DDX10: variants seen among roughly 807,000 people sequenced by gnomAD.
The protein encoded by DDX10 is probable ATP-dependent RNA helicase DDX10.
In DDX10, 74 loss-of-function variants were observed where a neutral mutation model predicts 104.3. The ratio of observed to expected loss-of-function variants is 0.71; its 90% confidence interval spans 0.59 to 0.86. The LOEUF (loss-of-function observed/expected upper bound fraction) is 0.86. Among genes scored for constraint, DDX10 ranks in the 40% least tolerant of loss-of-function variants. DDX10 has a pLI of 0.00. For synonymous variants in DDX10, 351 were observed against 353.4 expected (o/e 0.99, Z 0.08); for missense variants, 952 against 1,040.0 (o/e 0.92, Z 1.16).
intron 13 of DDX10, among the ~76,000 whole-genome samples, chr11:108,834,730 A>G (rs1205371739): frequency 6.6e-6 from 1 of 152,068 alleles, no homozygotes; most frequent in Admixed American, 6.5e-5. Context: ...GATCGAGACC[A>G]TCCTGGCTAA....
intron 13 of DDX10, among the ~76,000 whole-genome samples, chr11:108,815,422 A>C (rs1019391504): frequency 3.3e-5 from 5 of 152,202 alleles, no homozygotes; most frequent in Admixed American, 2.6e-4. Flanking sequence ...GTCAGTGCTG[A>C]GAAACTGATG....
At chr11:108,707,302 T>C (rs921926187) in intron 10 of DDX10, among the ~76,000 whole-genome samples, 18 of 152,200 alleles carry the variant, frequency 1.2e-4, no homozygotes, top group African/African-American at 4.1e-4. Context: ...TGACAACTAC[T>C]GATCTTTTTA....
At chr11:108,866,975 A>G (rs1863014703) in intron 16 of DDX10, among the ~76,000 whole-genome samples, 1 of 152,224 alleles carries the variant, frequency 6.6e-6, no homozygotes, top group African/African-American at 2.4e-5. Flanking sequence ...CACAAAAGAA[A>G]GCATCCCGGG....
chr11:108,765,289 C>T (rs1490285913), intron 13 of DDX10, among the ~76,000 whole-genome samples: 8 of 152,146 alleles, frequency 5.3e-5, no homozygotes, highest in Non-Finnish European at 8.8e-5. Flanking sequence ...ATTCTAAATC[C>T]CCATTCTGTC....
At chr11:108,856,018 A>G (rs1591836403) in intron 16 of DDX10, among the ~76,000 whole-genome samples, 1 of 152,346 alleles carries the variant, frequency 6.6e-6, no homozygotes, top group Non-Finnish European at 1.5e-5. Context: ...TACTTAACAA[A>G]TAGTGGTTTT....
rs1454476267 is a variant in DDX10, at chr11:108,875,436, C to CT, written c.2304+23234dup. Among the ~76,000 whole-genome samples the CT allele has an allele frequency of 2.6e-5, 4 of 151,988 alleles. No homozygotes were observed. The East Asian group carries it at 7.7e-4, about 29-fold the overall frequency. ...TCCCATTTTTAGAACTCCCTGTAGC[C>CT]TTTTTTTCTGTCATTATAGAAGAAC... On this transcript the variant is annotated intron_variant, in intron 16 of 17. Transcript: ENST00000322536.
chr11:108,908,899 T>C (rs1259002176), intron 16 of DDX10, among the ~76,000 whole-genome samples: 2 of 152,240 alleles, frequency 1.3e-5, no homozygotes, highest in Admixed American at 6.5e-5. Context: ...CAAGTTTTAC[T>C]GAAGAAACGA....
At chr11:108,689,178 G>T (rs2094248666) in intron 7 of DDX10, 116 bp downstream of exon 7, 7 of 1,047,738 alleles carry the variant, frequency 6.7e-6, no homozygotes. Context: ...TGTGGTGAGG[G>T]ATCTTTCGTG....
At chr11:108,794,189 A>G (rs1861908909) in intron 13 of DDX10, among the ~76,000 whole-genome samples, 1 of 151,820 alleles carries the variant, frequency 6.6e-6, no homozygotes, top group Non-Finnish European at 1.5e-5. Flanking sequence ...TTTTCTTTGG[A>G]TGAATACCTA....
At chr11:108,916,295 T>C (rs1029984773) in intron 16 of DDX10, among the ~76,000 whole-genome samples, 8 of 152,152 alleles carry the variant, frequency 5.3e-5, no homozygotes, top group African/African-American at 1.7e-4. Flanking sequence ...ACATCCAATT[T>C]TTGTTGGTGT....
intron 13 of DDX10, among the ~76,000 whole-genome samples, chr11:108,820,091 C>A (rs1862306482): frequency 6.6e-6 from 1 of 152,194 alleles, no homozygotes; most frequent in African/African-American, 2.4e-5. Context: ...TGCTTCTGTC[C>A]TTTTTAGCTG....
At chr11:108,840,427 A>G (rs1862621287) in intron 14 of DDX10, among the ~76,000 whole-genome samples, 1 of 152,168 alleles carries the variant, frequency 6.6e-6, no homozygotes, top group Admixed American at 6.5e-5. Flanking sequence ...AACAAGAGTT[A>G]TTGTTGTCTG....
At chr11:108,828,315 C>G (rs1862422879) in intron 13 of DDX10, among the ~76,000 whole-genome samples, 1 of 152,038 alleles carries the variant, frequency 6.6e-6, no homozygotes, top group African/African-American at 2.4e-5. Flanking sequence ...CCAACCCTTT[C>G]CCCCGAGTCT....
Position 108,940,505 on chromosome 11 carries a change from C to T in DDX10, c.*82C>T. ...AGTTGAAAAACAGTTGATTTGGGGG[C>T]ACTTAGGTACCATATGCCCCATTCC... On this transcript the variant is annotated 3_prime_UTR_variant, in exon 18 of 18. Transcript: ENST00000322536. 1.3e-5 allele frequency: 18 copies of T among 1,439,420 alleles called. No homozygotes were observed. The highest frequency in any genetic ancestry group is 1.7e-5 in the Non-Finnish European group (18 of 1,055,062). The allele number at this position is 1,439,420 out of a possible 1,614,324, so 89.2% of individuals were successfully genotyped here.
chr11:108,793,484 A>T (rs574669394), intron 13 of DDX10, among the ~76,000 whole-genome samples: 3 of 152,272 alleles, frequency 2.0e-5, no homozygotes, highest in Admixed American at 6.5e-5. Context: ...AGTGCCAAGT[A>T]GGTACACCTT....
At chr11:108,674,093 G>A (rs556669233) in intron 2 of DDX10, among the ~76,000 whole-genome samples, 1 of 152,126 alleles carries the variant, frequency 6.6e-6, no homozygotes, top group Non-Finnish European at 1.5e-5. Context: ...GGAGGCCGAG[G>A]TGGGTGGATC....
intron 13 of DDX10, among the ~76,000 whole-genome samples, chr11:108,772,371 C>A (rs897651828): frequency 5.3e-5 from 8 of 152,084 alleles, no homozygotes; most frequent in Non-Finnish European, 1.2e-4. Flanking sequence ...GAGAGACACA[C>A]AGGGAAGACA....
Position 108,892,456 on chromosome 11 carries a change from T to A in DDX10, c.2305-25417T>A, listed in dbSNP as rs530501912. Among the ~76,000 whole-genome samples, 3 of 152,274 alleles carry A rather than the reference T, an allele frequency of 2.0e-5. No homozygotes were observed. The East Asian group carries it at 5.8e-4, about 29-fold the overall frequency. ...CAGTCTGAACTATTCCTTTATAGCA[T>A]CACAAACGGACTAAGACATATGATT... On this transcript the variant is annotated intron_variant, in intron 16 of 17. Coordinates refer to ENST00000322536, the MANE Select transcript of DDX10 (RefSeq NM_004398.4).
intron 13 of DDX10, among the ~76,000 whole-genome samples, chr11:108,793,925 ATATTTGTCT>A (rs1861905311): frequency 6.6e-6 from 1 of 151,062 alleles, no homozygotes. Context: ...AGAACATGGG[ATATTTGTCT>A]TTCTGTGCCT....
Sources: gnomAD v4.1 joint callset for allele counts (sites outside exome capture counted in the v4.1 genomes callset) on GRCh38, gnomAD v4.1.1 for gene constraint, MANE v1.5 for transcripts, NCBI Gene and HGNC (gene_info 2026-07-23, HGNC 2026-07-21) for gene names.